Variants in NUDCD3 observed in about 807,000 individuals in gnomAD.
NUDCD3 encodes the protein NudC domain containing 3, also known as nudC domain-containing protein 3.
NUDCD3 carries 13 observed loss-of-function variants against 39.7 expected under a neutral mutation model. That is an observed-to-expected ratio of 0.33 (90% CI 0.21 to 0.52). The LOEUF (loss-of-function observed/expected upper bound fraction) is 0.52, where lower values mean the gene tolerates loss of function less well. Ranked by LOEUF, NUDCD3 falls within the 20% of genes least tolerant of loss-of-function variation. The pLI is 0.96. For missense variants in NUDCD3, 453 were observed against 458.1 expected, an observed-to-expected ratio of 0.99 and a Z score of 0.10; for synonymous variants, 175 against 172.4, an observed-to-expected ratio of 1.02 and a Z score of -0.12.
intron 5 of NUDCD3, among the ~76,000 whole-genome samples, chr7:44,391,307 G>C (rs964773316): frequency 6.6e-6 from 1 of 152,140 alleles, no homozygotes; most frequent in East Asian, 1.9e-4. Context: ...CTCTCCGCAG[G>C]CTCCTTCACC....
At chr7:44,459,463 C>T (rs573500560) in intron 2 of NUDCD3, among the ~76,000 whole-genome samples, 19 of 152,236 alleles carry the variant, frequency 1.2e-4, no homozygotes, top group African/African-American at 3.9e-4. Flanking sequence ...GTTGGGATTA[C>T]AGGAATAAGC....
intron 2 of NUDCD3, among the ~76,000 whole-genome samples, chr7:44,471,031 A>AG (rs1380658679): frequency 1.5e-4 from 23 of 152,230 alleles, no homozygotes; most frequent in African/African-American, 5.3e-4. Flanking sequence ...TTTACTGAGT[A>AG]CCAACTACGT....
intron 4 of NUDCD3, among the ~76,000 whole-genome samples, chr7:44,402,298 T>A (rs922611776): frequency 2.6e-5 from 4 of 152,206 alleles, no homozygotes; most frequent in Admixed American, 6.5e-5. Context: ...ATGGCGGCCA[T>A]TATTAAAAGA....
At chr7:44,389,212 T>C (rs756595384) in intron 5 of NUDCD3, among the ~76,000 whole-genome samples, 54 of 152,328 alleles carry the variant, frequency 3.5e-4, no homozygotes, top group Middle Eastern at 3.4e-3. Flanking sequence ...ATACATACAA[T>C]GTGTAGTGCT....
chr7:44,418,396 C>T (rs943671681), intron 3 of NUDCD3, among the ~76,000 whole-genome samples: 13 of 152,202 alleles, frequency 8.5e-5, no homozygotes, highest in Admixed American at 1.3e-4. Flanking sequence ...GAGGGTGGCA[C>T]AGAGGGAAAA....
At chr7:44,386,192 G>T in intron 5 of NUDCD3, 71 bp from the exon 6 acceptor site, 1 of 1,527,734 alleles carries the variant, frequency 6.5e-7, no homozygotes, top group South Asian at 1.2e-5. Flanking sequence ...AGCAGACTCT[G>T]ACTGCAGGTA....
At chr7:44,418,026 T>C (rs1799059979) in intron 3 of NUDCD3, among the ~76,000 whole-genome samples, 1 of 152,158 alleles carries the variant, frequency 6.6e-6, no homozygotes, top group African/African-American at 2.4e-5. Context: ...TTCTTAGGGA[T>C]GCCATGGACC....
chr7:44,480,771 A>C (rs1800473067), intron 2 of NUDCD3, among the ~76,000 whole-genome samples: 2 of 151,762 alleles, frequency 1.3e-5, no homozygotes, highest in Non-Finnish European at 2.9e-5. Context: ...GTAAGACCCT[A>C]TCTCTACAAA....
intron 3 of NUDCD3, among the ~76,000 whole-genome samples, chr7:44,410,271 A>C (rs939327832): frequency 6.6e-6 from 1 of 152,210 alleles, no homozygotes; most frequent in Admixed American, 6.5e-5. Context: ...AAAACAAGGA[A>C]TAAAATCTTC....
intron 2 of NUDCD3, chr7:44,467,897 A>G: frequency 2.5e-6 from 4 of 1,604,392 alleles, no homozygotes; most frequent in Non-Finnish European, 3.4e-6. Context: ...CCTCGGCATC[A>G]TGGCCGCCCT....
intron 2 of NUDCD3, among the ~76,000 whole-genome samples, chr7:44,469,211 G>A (rs1800201727): frequency 6.7e-6 from 1 of 148,868 alleles, no homozygotes. Context: ...CTATGAGGAA[G>A]TGACTTTGAA....
chr7:44,427,473 G>A (rs766621026), intron 3 of NUDCD3, 98 bp downstream of exon 3: 18 of 1,365,312 alleles, frequency 1.3e-5, no homozygotes, highest in Non-Finnish European at 1.7e-5. Flanking sequence ...TCCTAAAGCC[G>A]ATCTCAACAC....
At chr7:44,430,045 A>C (rs1799324129) in intron 2 of NUDCD3, among the ~76,000 whole-genome samples, 1 of 152,228 alleles carries the variant, frequency 6.6e-6, no homozygotes, top group Non-Finnish European at 1.5e-5. Context: ...ATATATGAAA[A>C]AGACTGAAAG....
chr7:44,418,141 G>A (rs532050710), intron 3 of NUDCD3, among the ~76,000 whole-genome samples: 21 of 152,196 alleles, frequency 1.4e-4, no homozygotes, highest in African/African-American at 4.8e-4. Context: ...TCATGGAGTC[G>A]GAAGGCACAG....
At chr7:44,447,528 T>G (rs1172704855) in intron 2 of NUDCD3, among the ~76,000 whole-genome samples, 1 of 152,212 alleles carries the variant, frequency 6.6e-6, no homozygotes, top group Non-Finnish European at 1.5e-5. Flanking sequence ...CTTCTGTCCC[T>G]GTCACCACGT....
At chr7:44,468,432 T>C (rs1415007165) in intron 2 of NUDCD3, 2 of 713,188 alleles carry the variant, frequency 2.8e-6, no homozygotes, top group Admixed American at 5.9e-5. Context: ...AGACAGCTTA[T>C]CAGTGTCAGA....
intron 3 of NUDCD3, among the ~76,000 whole-genome samples, chr7:44,408,658 A>G (rs929005309): frequency 6.6e-6 from 1 of 152,204 alleles, no homozygotes; most frequent in African/African-American, 2.4e-5. Flanking sequence ...TCAACTTCTT[A>G]TGGATTTTGG....
intron 5 of NUDCD3, 85 bp downstream of exon 5, chr7:44,392,212 C>T: frequency 2.2e-6 from 3 of 1,358,814 alleles, no homozygotes; most frequent in Non-Finnish European, 1.0e-6. Flanking sequence ...TCCCCACCGT[C>T]ATCACCAACC....
At chr7:44,484,760 T>C (rs1800569301) in intron 2 of NUDCD3, 3 of 552,152 alleles carry the variant, frequency 5.4e-6, no homozygotes, top group Non-Finnish European at 9.6e-6. Context: ...ACTACTGACC[T>C]TACCAAATGA....
Sources: allele counts gnomAD v4.1 joint callset (sites outside exome capture counted in the v4.1 genomes callset), GRCh38; gene constraint gnomAD v4.1.1; transcripts MANE v1.5; gene names NCBI Gene and HGNC (gene_info 2026-07-23, HGNC 2026-07-21).